OR2L13: variants seen among roughly 807,000 people sequenced by gnomAD.
The protein encoded by OR2L13 is olfactory receptor family 2 subfamily L member 13.
Under a neutral mutation model 15.3 loss-of-function variants are expected in OR2L13, and 14 were observed. That is an observed-to-expected ratio of 0.91 (90% CI 0.60 to 1.43). The LOEUF (loss-of-function observed/expected upper bound fraction) is 1.43, where lower values mean the gene tolerates loss of function less well. Among genes scored for constraint, OR2L13 ranks in the 40% most tolerant of loss-of-function variants. The pLI, the probability that OR2L13 is intolerant of heterozygous loss-of-function variation, is 0.00. For synonymous variants in OR2L13, 152 were observed against 142.9 expected (o/e 1.06, Z -0.45); for missense variants, 367 against 387.9 (o/e 0.95, Z 0.45).
chr1:248,013,757 T>C, the OR2L13 span: 1 of 152,132 alleles, frequency 6.6e-6, no homozygotes, highest in African/African-American at 2.4e-5. Context: ...TATATTTGTA[T>C]TTTAAAATTT....
chr1:248,023,958 T>G, the OR2L13 span: 1 of 152,106 alleles, frequency 6.6e-6, no homozygotes, highest in Admixed American at 6.6e-5. Context: ...GAAATATAAT[T>G]AAAGTGCATA....
At chr1:248,024,272 T>C in the OR2L13 span, 1 of 152,114 alleles carries the variant, frequency 6.6e-6, no homozygotes, top group Non-Finnish European at 1.5e-5. Flanking sequence ...TTATATCTGA[T>C]TTGAAAAAAC....
chr1:248,058,832 CT>C, the OR2L13 span, among the ~76,000 whole-genome samples: 5 of 151,940 alleles, frequency 3.3e-5, no homozygotes, highest in East Asian at 1.9e-4. Flanking sequence ...GATTTCCCTA[CT>C]TTTTTTATCT....
At chr1:248,007,736 C>G in the OR2L13 span, among the ~76,000 whole-genome samples, 37 of 151,974 alleles carry the variant, frequency 2.4e-4, no homozygotes, top group Non-Finnish European at 4.3e-4. Flanking sequence ...GTCTTTGGAA[C>G]AGAAGATGCA....
chr1:247,989,987 G>GA, the OR2L13 span, among the ~76,000 whole-genome samples: 3 of 151,960 alleles, frequency 2.0e-5, no homozygotes, highest in African/African-American at 7.2e-5. Flanking sequence ...TTGAGAGAAA[G>GA]AAAAAAACTG....
the OR2L13 span, chr1:248,004,017 T>C: frequency 6.2e-7 from 1 of 1,613,472 alleles, no homozygotes; most frequent in Non-Finnish European, 8.5e-7. Flanking sequence ...AACAAGGAGG[T>C]GATGGGGGCC....
the OR2L13 span, chr1:247,965,507 T>C: frequency 1.1e-4 from 184 of 1,613,702 alleles, no homozygotes; most frequent in East Asian, 2.6e-3. Context: ...GGAAATATCA[T>C]GCTGATCCAC....
At chr1:247,988,462 G>A in the OR2L13 span, among the ~76,000 whole-genome samples, 3 of 151,862 alleles carry the variant, frequency 2.0e-5, no homozygotes, top group Non-Finnish European at 4.4e-5. Context: ...CCTAAAGATA[G>A]GAATTCTTAT....
the OR2L13 span, chr1:247,965,335 A>G: frequency 1.3e-6 from 2 of 1,555,954 alleles, no homozygotes; most frequent in Non-Finnish European, 1.7e-6. Flanking sequence ...TTATTACATG[A>G]ACATTTCAGA....
At chr1:248,064,519 A>G in the OR2L13 span, among the ~76,000 whole-genome samples, 1 of 152,164 alleles carries the variant, frequency 6.6e-6, no homozygotes, top group South Asian at 2.1e-4. Flanking sequence ...ATAGACCAAG[A>G]CACAATACCT....
the OR2L13 span, chr1:248,023,694 C>T: frequency 1.3e-5 from 2 of 152,152 alleles, no homozygotes; most frequent in African/African-American, 2.4e-5. Flanking sequence ...AGGCCTGTGC[C>T]TAGAAGGATC....
At chr1:247,994,049 A>AG in the OR2L13 span, among the ~76,000 whole-genome samples, 1 of 152,088 alleles carries the variant, frequency 6.6e-6, no homozygotes. Context: ...GAGCTTTCCT[A>AG]GGGAGAATCC....
chr1:248,047,944 G>A, the OR2L13 span, among the ~76,000 whole-genome samples: 3 of 152,154 alleles, frequency 2.0e-5, no homozygotes, highest in Admixed American at 2.0e-4. Context: ...GTAATTATAA[G>A]ATACAGGGTC....
At chr1:247,953,361 A>G in the OR2L13 span, among the ~76,000 whole-genome samples, 5 of 152,220 alleles carry the variant, frequency 3.3e-5, no homozygotes, top group Admixed American at 6.5e-5. Context: ...CAAATTTTAT[A>G]TCATGCGGTA....
the OR2L13 span, chr1:248,083,733 T>C: frequency 6.2e-7 from 1 of 1,613,368 alleles, no homozygotes; most frequent in South Asian, 1.1e-5. Flanking sequence ...CCTCACACTG[T>C]AGATGAGGGG....
chr1:247,937,381 C>T, the OR2L13 span: 1 of 155,710 alleles, frequency 6.4e-6, no homozygotes, highest in South Asian at 1.8e-4. Flanking sequence ...CCTTCCAGAC[C>T]GAGGTATCAG....
the OR2L13 span, among the ~76,000 whole-genome samples, chr1:247,950,988 T>A: frequency 5.9e-5 from 9 of 152,174 alleles, no homozygotes; most frequent in African/African-American, 2.2e-4. Flanking sequence ...CCTGATTTGA[T>A]CATTACACAT....
chr1:248,004,040 A>G, the OR2L13 span: 2 of 1,611,958 alleles, frequency 1.2e-6, no homozygotes, highest in African/African-American at 2.7e-5. Context: ...GACACGAGTG[A>G]GTCAGAGAAT....
chr1:247,965,826 CA>C, the OR2L13 span: 132 of 1,612,738 alleles, frequency 8.2e-5, no homozygotes, highest in Non-Finnish European at 1.0e-4. Flanking sequence ...GTGCATGGGC[CA>C]GTGGTTCTAT....
Sources: gnomAD v4.1 joint callset for allele counts (sites outside exome capture counted in the v4.1 genomes callset) on GRCh38, gnomAD v4.1.1 for gene constraint, MANE v1.5 for transcripts, NCBI Gene and HGNC (gene_info 2026-07-23, HGNC 2026-07-21) for gene names.